Variants in SNX29 observed in about 807,000 individuals in gnomAD.
SNX29 encodes the protein sorting nexin 29, also known as sorting nexin-29.
A neutral mutation model predicts 102.1 loss-of-function variants in SNX29; 78 were observed. That is an observed-to-expected ratio of 0.76 (90% CI 0.64 to 0.92). The LOEUF is 0.92. Ranked by LOEUF, SNX29 falls within the 40% of genes least tolerant of loss-of-function variation. The pLI is 0.00. For synonymous variants in SNX29, 580 were observed against 414.5 expected, an observed-to-expected ratio of 1.40 and a Z score of -4.85; for missense variants, 1,280 against 1,061.7, an observed-to-expected ratio of 1.21 and a Z score of -2.86.
intron 19 of SNX29, among the ~76,000 whole-genome samples, chr16:12,521,850 T>A (rs2090113211): frequency 6.6e-6 from 1 of 152,218 alleles, no homozygotes; most frequent in African/African-American, 2.4e-5. Flanking sequence ...TGGGACAACC[T>A]TGTCTAAATA....
At chr16:12,527,106 G>T in intron 20 of SNX29, 1 of 455,878 alleles carries the variant, frequency 2.2e-6, no homozygotes, top group African/African-American at 1.9e-5. Flanking sequence ...TTTAATAAAA[G>T]CTCTTTGGCT....
chr16:12,366,860 T>G (rs2082503317), intron 16 of SNX29: 1 of 151,524 alleles, frequency 6.6e-6, no homozygotes, highest in Admixed American at 6.6e-5. Flanking sequence ...TCTCTTTCTT[T>G]TCCTCTGTCT....
chr16:12,452,369 A>C lies in SNX29; in HGVS notation c.2038-25350A>C, dbSNP rs554471352. 4.1e-3 allele frequency among the ~76,000 whole-genome samples: 77 copies of C among 18,610 alleles called. 1 individual carries two copies. The African/African-American group carries it at 0.076, about 18-fold the overall frequency. 12.2% of individuals were successfully genotyped at this position (18,610 alleles called of 152,430 possible). On this transcript the variant is annotated intron_variant, in intron 18 of 20. Coordinates refer to ENST00000566228, the MANE Select transcript of SNX29 (RefSeq NM_032167.5). ...ACAATGCACAGGACAGCTCCCATAC[A>C]AGACTGTGTTCTCAATAGCGGGTAG...
intron 16 of SNX29, among the ~76,000 whole-genome samples, chr16:12,395,435 T>A (rs971331599): frequency 6.6e-6 from 1 of 152,246 alleles, no homozygotes; most frequent in Non-Finnish European, 1.5e-5. Flanking sequence ...TTTCACATCC[T>A]TGTGTGTACA....
intron 14 of SNX29, among the ~76,000 whole-genome samples, chr16:12,245,356 G>A (rs1490386907): frequency 6.6e-6 from 1 of 151,986 alleles, no homozygotes; most frequent in Non-Finnish European, 1.5e-5. Flanking sequence ...TTAACATGCG[G>A]TGACAGGTTA....
At chr16:12,260,973 C>CAT (rs2078730277) in intron 14 of SNX29, among the ~76,000 whole-genome samples, 5 of 139,956 alleles carry the variant, frequency 3.6e-5, no homozygotes, top group Admixed American at 7.1e-5. Context: ...GGTCTGTGTG[C>CAT]GCGCCCCCGG....
intron 13 of SNX29, among the ~76,000 whole-genome samples, chr16:12,199,011 C>G (rs2076848410): frequency 6.6e-6 from 1 of 152,074 alleles, no homozygotes; most frequent in Non-Finnish European, 1.5e-5. Context: ...TTCTGTGTTC[C>G]TTAGTGTAAT....
chr16:12,278,059 G>A (rs774947646), intron 15 of SNX29, 23 bp downstream of exon 15: 9 of 1,565,682 alleles, frequency 5.7e-6, no homozygotes, highest in African/African-American at 4.1e-5. Context: ...GAGTCTGTGT[G>A]TCTTTGTTTC....
intron 4 of SNX29, among the ~76,000 whole-genome samples, chr16:12,033,531 C>A (rs1370458088): frequency 6.6e-6 from 1 of 152,130 alleles, no homozygotes; most frequent in African/African-American, 2.4e-5. Context: ...CTACATGGTT[C>A]ACCTGGACTG....
chr16:12,494,768 A>G (rs1478960193), intron 19 of SNX29, among the ~76,000 whole-genome samples: 1 of 152,226 alleles, frequency 6.6e-6, no homozygotes, highest in African/African-American at 2.4e-5. Flanking sequence ...AAGCTGGTGA[A>G]AATGGGAAGT....
At chr16:12,461,375 T>C (rs2086769266) in intron 18 of SNX29, among the ~76,000 whole-genome samples, 2 of 152,198 alleles carry the variant, frequency 1.3e-5, no homozygotes, top group Non-Finnish European at 2.9e-5. Flanking sequence ...CTTCTATTAC[T>C]GTGACGAGGG....
chr16:12,056,946 T>C (rs1366563805), intron 8 of SNX29, among the ~76,000 whole-genome samples: 1 of 129,258 alleles, frequency 7.7e-6, no homozygotes, highest in Non-Finnish European at 1.9e-5. Flanking sequence ...CTCAGCCTCC[T>C]GAGTAGCTAG....
At chr16:12,460,443 A>G (rs1424518557) in intron 18 of SNX29, among the ~76,000 whole-genome samples, 1 of 152,120 alleles carries the variant, frequency 6.6e-6, no homozygotes, top group Non-Finnish European at 1.5e-5. Context: ...AACTCCTTCT[A>G]TATTTTTAGC....
chr16:12,209,686 A>C (rs4781196), intron 14 of SNX29, among the ~76,000 whole-genome samples: 10,451 of 152,222 alleles, frequency 0.069, 574 homozygotes, highest in East Asian at 0.27. Context: ...CACTTAGGAG[A>C]CGTGAGACCA....
chr16:12,547,800 C>G (rs898941610), intron 20 of SNX29, among the ~76,000 whole-genome samples: 3 of 152,184 alleles, frequency 2.0e-5, no homozygotes, highest in Admixed American at 2.0e-4. Context: ...AGAATGGGCT[C>G]AAGAATGCTC....
At chr16:11,979,200 A>G (rs919311004) in intron 1 of SNX29, among the ~76,000 whole-genome samples, 4 of 129,398 alleles carry the variant, frequency 3.1e-5, no homozygotes, top group Admixed American at 9.9e-5. Context: ...TCTTGAACCC[A>G]GGAGGTGGAC....
At chr16:12,532,560 C>T (rs1051803530) in intron 20 of SNX29, among the ~76,000 whole-genome samples, 1 of 152,162 alleles carries the variant, frequency 6.6e-6, no homozygotes, top group Non-Finnish European at 1.5e-5. Flanking sequence ...TAAGAACTTG[C>T]AGGAATTCTG....
intron 4 of SNX29, among the ~76,000 whole-genome samples, chr16:12,038,472 A>G (rs1201867088): frequency 6.6e-6 from 1 of 152,216 alleles, no homozygotes; most frequent in Admixed American, 6.5e-5. Context: ...TTGGAGAACC[A>G]GAAGCCCTTG....
At chr16:12,267,875 A>G (rs1264088347) in intron 14 of SNX29, among the ~76,000 whole-genome samples, 4 of 152,106 alleles carry the variant, frequency 2.6e-5, no homozygotes, top group Admixed American at 6.5e-5. Flanking sequence ...GCTCAGAATA[A>G]AATACCATAG....
Sources: allele counts gnomAD v4.1 joint callset (sites outside exome capture counted in the v4.1 genomes callset), GRCh38; gene constraint gnomAD v4.1.1; transcripts MANE v1.5; gene names NCBI Gene and HGNC (gene_info 2026-07-23, HGNC 2026-07-21).